ABTB2: variants seen among roughly 807,000 people sequenced by gnomAD.
The protein encoded by ABTB2 is ankyrin repeat and BTB/POZ domain-containing protein 2.
ABTB2 carries 56 observed loss-of-function variants against 104.1 expected under a neutral mutation model. The observed-to-expected ratio is 0.54, with a 90% confidence interval of 0.43 to 0.67. ABTB2 has a LOEUF of 0.67. Ranked by LOEUF, ABTB2 falls within the 30% of genes least tolerant of loss-of-function variation. The pLI, the probability that ABTB2 is intolerant of heterozygous loss-of-function variation, is 0.00. For synonymous variants in ABTB2, 606 were observed against 608.2 expected (o/e 1.00, Z 0.05); for missense variants, 1,279 against 1,407.7 (o/e 0.91, Z 1.46).
At position 34,160,371 on chromosome 11, in the gene ABTB2, A is replaced by G. The variant is rs1852693796; in HGVS notation, c.2398-18T>C. 1 of 1,587,810 alleles carries G rather than the reference A, an allele frequency of 6.3e-7. No individual in the cohort carries two copies. Among genetic ancestry groups the G allele is most frequent in the Non-Finnish European group, 8.6e-7 (1 of 1,156,468 alleles). ...GAGTCGTTCTGTGGGGAGAGGAGAGAGGGCCTGTGAGCTGCCCGCTGTGGC... is the reference window on the plus strand; with the variant it reads ...GAGTCGTTCTGTGGGGAGAGGAGAGGGGGCCTGTGAGCTGCCCGCTGTGGC... On this transcript the variant is annotated intron_variant, in intron 11 of 16. Transcript: ENST00000435224.
chr11:34,274,560 T>C (rs3062347), intron 1 of ABTB2, among the ~76,000 whole-genome samples: 6,631 of 146,790 alleles, frequency 0.045, 412 homozygotes, highest in African/African-American at 0.14. Context: ...GATTGGAATA[T>C]ACACACACAC....
At chr11:34,186,476 CA>C (rs1456491434) in intron 3 of ABTB2, among the ~76,000 whole-genome samples, 1 of 152,214 alleles carries the variant, frequency 6.6e-6, no homozygotes, top group Admixed American at 6.5e-5. Context: ...AAAGCAAAAT[CA>C]ATTCCCTTTA....
intron 7 of ABTB2, among the ~76,000 whole-genome samples, chr11:34,166,815 G>A (rs894587134): frequency 1.4e-4 from 22 of 152,170 alleles, no homozygotes; most frequent in African/African-American, 5.1e-4. Context: ...ATGCCAATCC[G>A]AAACCTCTCT....
At chr11:34,312,223 A>T (rs1279547854) in intron 1 of ABTB2, among the ~76,000 whole-genome samples, 1 of 152,220 alleles carries the variant, frequency 6.6e-6, no homozygotes, top group African/African-American at 2.4e-5. Context: ...AGGCATCTTC[A>T]ACCTGACACA....
At chr11:34,328,582 T>C (rs1590258239) in intron 1 of ABTB2, among the ~76,000 whole-genome samples, 1 of 152,244 alleles carries the variant, frequency 6.6e-6, no homozygotes, top group Non-Finnish European at 1.5e-5. Context: ...GTTTCTGTTA[T>C]TACTGCAACA....
At chr11:34,176,133 A>T (rs1852958493) in intron 3 of ABTB2, among the ~76,000 whole-genome samples, 1 of 152,046 alleles carries the variant, frequency 6.6e-6, no homozygotes, top group African/African-American at 2.4e-5. Context: ...TACAAAAGTT[A>T]GCCGGGCGTG....
chr11:34,267,547 T>C (rs910555266), intron 1 of ABTB2, among the ~76,000 whole-genome samples: 1 of 152,226 alleles, frequency 6.6e-6, no homozygotes, highest in Admixed American at 6.5e-5. Flanking sequence ...AAAAAAATCC[T>C]AGACTTTGAA....
intron 1 of ABTB2, among the ~76,000 whole-genome samples, chr11:34,289,244 T>C (rs574343906): frequency 7.2e-4 from 110 of 152,308 alleles, no homozygotes; most frequent in African/African-American, 2.6e-3. Flanking sequence ...TCTTGGTCCA[T>C]ATTTAGAATC....
At chr11:34,222,221 G>A (rs780757933) in intron 1 of ABTB2, among the ~76,000 whole-genome samples, 5 of 152,202 alleles carry the variant, frequency 3.3e-5, no homozygotes, top group Non-Finnish European at 5.9e-5. Flanking sequence ...ATAAGAGGTT[G>A]TGGTGACCAG....
chr11:34,247,787 T>C (rs1854003594), intron 1 of ABTB2, among the ~76,000 whole-genome samples: 1 of 152,232 alleles, frequency 6.6e-6, no homozygotes, highest in Admixed American at 6.5e-5. Flanking sequence ...ACTTCACATG[T>C]ACCATTTCAT....
chr11:34,287,248 T>G (rs1327867782), intron 1 of ABTB2, among the ~76,000 whole-genome samples: 2 of 150,556 alleles, frequency 1.3e-5, no homozygotes, highest in Non-Finnish European at 3.0e-5. Context: ...ATTTACTGTA[T>G]GATAATTTAA....
Position 34,356,485 on chromosome 11 carries a change from GATGGAGATCATT to G in ABTB2, c.883+204_883+215del, listed in dbSNP as rs1413575704. ...ATAGTAACAATGCCACGCAGAACAG[GATGGAGATCATT>G]CACAAGTTTACCCTCCAAAAGTCAG... On this transcript the variant is annotated intron_variant, in intron 1 of 16. Coordinates refer to ENST00000435224, the MANE Select transcript of ABTB2 (RefSeq NM_145804.3). This position sits in a 1 kb window ranked among gnomAD's most constrained non-coding sequence, Gnocchi z 4.6. Among the ~76,000 whole-genome samples, 1 of 152,186 alleles carries G rather than the reference GATGGAGATCATT, an allele frequency of 6.6e-6. No individual in the cohort carries two copies. Among genetic ancestry groups the G allele is most frequent in the African/African-American group, 2.4e-5 (1 of 41,430 alleles).
At chr11:34,239,319 C>T (rs920365752) in intron 1 of ABTB2, among the ~76,000 whole-genome samples, 2 of 152,054 alleles carry the variant, frequency 1.3e-5, no homozygotes, top group African/African-American at 4.8e-5. Flanking sequence ...CCAACCAAGG[C>T]TTCATTGATG....
intron 3 of ABTB2, among the ~76,000 whole-genome samples, chr11:34,183,415 G>A (rs1322196861): frequency 6.6e-6 from 1 of 152,190 alleles, no homozygotes; most frequent in Non-Finnish European, 1.5e-5. Context: ...ACTTTTGAAA[G>A]GGAAAAAGAG....
At chr11:34,255,296 T>G (rs998867424) in intron 1 of ABTB2, among the ~76,000 whole-genome samples, 5 of 152,126 alleles carry the variant, frequency 3.3e-5, no homozygotes, top group Admixed American at 6.6e-5. Flanking sequence ...AGGATCCACA[T>G]CACTTTCTCA....
intron 10 of ABTB2, 122 bp from the exon 11 acceptor site, chr11:34,161,203 C>G (rs900017148): frequency 1.1e-6 from 1 of 951,682 alleles, no homozygotes; most frequent in Non-Finnish European, 1.5e-6. Flanking sequence ...GCACCCCGCC[C>G]GCCCCCTCCC....
chr11:34,334,515 G>T (rs1855169223), intron 1 of ABTB2, among the ~76,000 whole-genome samples: 1 of 152,110 alleles, frequency 6.6e-6, no homozygotes, highest in Non-Finnish European at 1.5e-5. Flanking sequence ...TGCACAAATT[G>T]GATTTATCAT....
intron 1 of ABTB2, among the ~76,000 whole-genome samples, chr11:34,227,932 G>T (rs1208132293): frequency 8.3e-6 from 1 of 120,178 alleles, no homozygotes; most frequent in Non-Finnish European, 1.8e-5. Context: ...ACAGGGTTTC[G>T]CAATGTTGGC....
intron 1 of ABTB2, among the ~76,000 whole-genome samples, chr11:34,206,266 C>T (rs1262910350): frequency 6.6e-6 from 1 of 152,006 alleles, no homozygotes; most frequent in East Asian, 1.9e-4. Context: ...ACCTGTAATC[C>T]CAGCTACTCG....
Sources: allele counts gnomAD v4.1 joint callset (sites outside exome capture counted in the v4.1 genomes callset), GRCh38; gene constraint gnomAD v4.1.1; non-coding constraint Gnocchi (gnomAD v3.1); transcripts MANE v1.5; gene names NCBI Gene and HGNC (gene_info 2026-07-23, HGNC 2026-07-21).